Variants in SLC24A3 observed in about 807,000 individuals in gnomAD.
SLC24A3 encodes the protein sodium/potassium/calcium exchanger 3.
A neutral mutation model predicts 75.8 loss-of-function variants in SLC24A3; 28 were observed. The ratio of observed to expected loss-of-function variants is 0.37; its 90% confidence interval spans 0.27 to 0.51. The LOEUF is 0.51. SLC24A3 is among the 20% of genes least tolerant of loss of function. The probability of loss-of-function intolerance (pLI) is 0.94; values close to 1 mark genes in which losing one functional copy is unlikely to be tolerated. For missense variants in SLC24A3, 663 were observed against 847.8 expected (o/e 0.78, Z 2.71); for synonymous variants, 372 against 334.1 (o/e 1.11, Z -1.24).
intron 15 of SLC24A3, among the ~76,000 whole-genome samples, chr20:19,716,187 C>A (rs1264508375): frequency 6.6e-6 from 1 of 152,126 alleles, no homozygotes; most frequent in Non-Finnish European, 1.5e-5. Context: ...GCCCCAAAAC[C>A]ACCCTCTGAG....
intron 2 of SLC24A3, among the ~76,000 whole-genome samples, chr20:19,380,727 C>T (rs1986166653): frequency 6.6e-6 from 1 of 152,012 alleles, no homozygotes; most frequent in South Asian, 2.1e-4. Flanking sequence ...AGAGGGGGTA[C>T]CATATGCCAG....
intron 2 of SLC24A3, among the ~76,000 whole-genome samples, chr20:19,503,842 T>C (rs6106089): frequency 0.11 from 17,220 of 152,142 alleles, 1,030 homozygotes; most frequent in Middle Eastern, 0.12. Context: ...CCAAATACCT[T>C]CAAGCAGATG....
At position 19,553,357 on chromosome 20, in the gene SLC24A3, C is replaced by T. The variant is rs114979286; in HGVS notation, c.349-26643C>T. Among the ~76,000 whole-genome samples the T allele has an allele frequency of 1.9e-3, 291 of 152,166 alleles. 1 individual carries two copies. The highest frequency in any genetic ancestry group is 6.9e-3 in the African/African-American group (287 of 41,494). ...CACTTAAAAACCATGGGGAAATAGA[C>T]CAGTTTCTGTATGTGACTTGCTGCA... is the stretch of plus-strand genomic sequence containing the variant. On this transcript the variant is annotated intron_variant, in intron 3 of 16. Transcript: ENST00000328041.
At chr20:19,343,390 A>T (rs1458851502) in intron 2 of SLC24A3, among the ~76,000 whole-genome samples, 1 of 152,216 alleles carries the variant, frequency 6.6e-6, no homozygotes, top group African/African-American at 2.4e-5. Flanking sequence ...GGATAATAAA[A>T]GGACCAAGGT....
chr20:19,700,725 A>C lies in SLC24A3; in HGVS notation c.1719+2045A>C, dbSNP rs145764617. Among the ~76,000 whole-genome samples, 5 of 152,310 alleles carry C rather than the reference A, an allele frequency of 3.3e-5. No individual in the cohort carries two copies. The East Asian group carries it at 9.6e-4, about 29-fold the overall frequency. Reference sequence around the variant, plus strand: ...TGCTTTTTATACTTCCTGTTATATCAAACGTTTTTTCCTCAAAATCTCATT... The same window carrying C: ...TGCTTTTTATACTTCCTGTTATATCCAACGTTTTTTCCTCAAAATCTCATT... On this transcript the variant is annotated intron_variant, in intron 15 of 16. Transcript: ENST00000328041.
At chr20:19,599,463 T>C (rs3790271) in intron 6 of SLC24A3, among the ~76,000 whole-genome samples, 70,594 of 151,684 alleles carry the variant, frequency 0.47, 17,489 homozygotes, top group African/African-American at 0.64. Context: ...GTCCCTCCCG[T>C]GCATCTGGAG....
intron 14 of SLC24A3, among the ~76,000 whole-genome samples, chr20:19,697,929 A>C (rs2032829380): frequency 6.6e-6 from 1 of 152,166 alleles, no homozygotes; most frequent in Non-Finnish European, 1.5e-5. Context: ...TGCTGTAAAG[A>C]AATACCTGAG....
intron 2 of SLC24A3, among the ~76,000 whole-genome samples, chr20:19,387,665 C>T (rs1050550122): frequency 1.3e-5 from 2 of 151,932 alleles, no homozygotes; most frequent in African/African-American, 4.8e-5. Context: ...GGTTTCATAC[C>T]ATTGTGGTTG....
At chr20:19,416,880 A>G (rs1205140220) in intron 2 of SLC24A3, among the ~76,000 whole-genome samples, 1 of 152,204 alleles carries the variant, frequency 6.6e-6, no homozygotes, top group Non-Finnish European at 1.5e-5. Flanking sequence ...GATACAATAA[A>G]ATGCCACCAG....
rs757080998 is a variant in SLC24A3, at chr20:19,557,997, A to ATGGG, written c.349-21999_349-21996dup. Among the ~76,000 whole-genome samples the ATGGG allele has an allele frequency of 7.1e-4, 108 of 152,112 alleles. 1 individual carries two copies. Among genetic ancestry groups the ATGGG allele is most frequent in the Admixed American group, 3.3e-3 (50 of 15,254 alleles). The stretch of plus-strand genomic sequence containing the variant: ...TGTACATGCATGGGTAGGTGGATGG[A>ATGGG]TGGGTGGATGGATGATGTTAAAATA... On this transcript the variant is annotated intron_variant, in intron 3 of 16. Coordinates refer to ENST00000328041, the MANE Select transcript of SLC24A3 (RefSeq NM_020689.4).
At chr20:19,370,255 C>CATT (rs1985969191) in intron 2 of SLC24A3, among the ~76,000 whole-genome samples, 1 of 152,198 alleles carries the variant, frequency 6.6e-6, no homozygotes, top group African/African-American at 2.4e-5. Flanking sequence ...CTACTTTCTG[C>CATT]TCACACATCA....
chr20:19,678,289 C>T, intron 9 of SLC24A3, among the ~76,000 whole-genome samples: 1 of 139,314 alleles, frequency 7.2e-6, no homozygotes, highest in Non-Finnish European at 1.6e-5. Flanking sequence ...GGCGGCCGGG[C>T]AGAGGCACCC....
chr20:19,309,702 C>G (rs1984411025), intron 2 of SLC24A3, among the ~76,000 whole-genome samples: 1 of 152,152 alleles, frequency 6.6e-6, no homozygotes, highest in Non-Finnish European at 1.5e-5. Context: ...GAGAAGTGGC[C>G]TTCAAAAAGA....
chr20:19,513,124 C>G (rs6035361), intron 2 of SLC24A3, among the ~76,000 whole-genome samples: 37 of 152,336 alleles, frequency 2.4e-4, no homozygotes, highest in Non-Finnish European at 5.0e-4. Flanking sequence ...AAAAAAAAGC[C>G]TATTGCTTCT....
chr20:19,673,693 T>G, intron 9 of SLC24A3, 39 bp downstream of exon 9: 1 of 1,544,444 alleles, frequency 6.5e-7, no homozygotes. Flanking sequence ...AAACTGTTTC[T>G]TGCATTCCAC....
At chr20:19,420,526 T>A (rs186256527) in intron 2 of SLC24A3, among the ~76,000 whole-genome samples, 27 of 148,114 alleles carry the variant, frequency 1.8e-4, no homozygotes, top group Non-Finnish European at 3.3e-4. Context: ...CCATTCTAAC[T>A]GGTGTGAGAT....
At chr20:19,681,283 C>A (rs570750356) in intron 9 of SLC24A3, among the ~76,000 whole-genome samples, 1 of 152,236 alleles carries the variant, frequency 6.6e-6, no homozygotes, top group East Asian at 1.9e-4. Flanking sequence ...AACTTAGGCA[C>A]GATAGTCATA....
chr20:19,472,014 T>C (rs1987882076), intron 2 of SLC24A3, among the ~76,000 whole-genome samples: 1 of 152,244 alleles, frequency 6.6e-6, no homozygotes, highest in Non-Finnish European at 1.5e-5. Flanking sequence ...TTTAAAATTA[T>C]TCAATTTTTG....
In SLC24A3 at chr20:19,711,646, C is replaced by CT. The variant is rs139028607; in HGVS notation, c.1720-5870dup. Among the ~76,000 whole-genome samples, 15 of 150,010 alleles carry CT rather than the reference C, an allele frequency of 1.0e-4. 1 individual carries two copies. The highest frequency in any genetic ancestry group is 2.1e-4 in the South Asian group (1 of 4,756). On this transcript the variant is annotated intron_variant, in intron 15 of 16. Coordinates refer to ENST00000328041, the MANE Select transcript of SLC24A3 (RefSeq NM_020689.4). ...CAGAATCACCAGCAGATGCTTTTTT[C>CT]TTTTTTTTTTTTCGACAAGAGTTTC...
Sources: allele counts gnomAD v4.1 joint callset (sites outside exome capture counted in the v4.1 genomes callset), GRCh38; gene constraint gnomAD v4.1.1; transcripts MANE v1.5; gene names NCBI Gene and HGNC (gene_info 2026-07-23, HGNC 2026-07-21).